TCOF1: variants seen among roughly 807,000 people sequenced by gnomAD.
TCOF1 encodes the protein treacle ribosome biogenesis factor 1, also known as treacle protein.
Under a neutral mutation model 149.0 loss-of-function variants are expected in TCOF1, and 33 were observed. The observed-to-expected ratio is 0.22, with a 90% CI of 0.17 to 0.30. The LOEUF (loss-of-function observed/expected upper bound fraction) is 0.30. TCOF1 is among the 10% of genes least tolerant of loss of function. The pLI is 1.00. For missense variants in TCOF1, 1,728 were observed against 1,840.7 expected (o/e 0.94, Z 1.12); for synonymous variants, 789 against 738.8 (o/e 1.07, Z -1.10).
chr5:150,398,329 A>T (rs751422516), intron 24 of TCOF1, 25 bp from the exon 25 acceptor site: 5 of 1,613,224 alleles, frequency 3.1e-6, no homozygotes, highest in Non-Finnish European at 1.7e-6. Flanking sequence ...TCTGTTGTTC[A>T]GGAACTTTAC....
intron 6 of TCOF1, 77 bp downstream of exon 6, chr5:150,369,679 ACCAGT>A: frequency 4.6e-6 from 7 of 1,510,342 alleles, no homozygotes; most frequent in Non-Finnish European, 6.4e-6. Context: ...GGCTTCAGAC[ACCAGT>A]GGGCCCAGAT....
At chr5:150,390,143 G>A (rs1278666967) in intron 19 of TCOF1, 120 bp downstream of exon 19, 36 of 1,478,188 alleles carry the variant, frequency 2.4e-5, no homozygotes, top group Non-Finnish European at 2.8e-5. Flanking sequence ...TCCAGAGGTC[G>A]TGGCCTCACA....
intron 7 of TCOF1, 144 bp from the exon 8 acceptor site, chr5:150,374,030 C>T (rs1434815247): frequency 1.1e-5 from 10 of 927,054 alleles, no homozygotes; most frequent in African/African-American, 1.7e-5. Context: ...GCCAGTGTGG[C>T]CAAAGTATCA....
chr5:150,382,879 A>G (rs1765508155), intron 17 of TCOF1, among the ~76,000 whole-genome samples: 1 of 152,214 alleles, frequency 6.6e-6, no homozygotes, highest in African/African-American at 2.4e-5. Flanking sequence ...GCAGGGTGGA[A>G]GCATGTTTCC....
Position 150,396,581 on chromosome 5 carries a change from A to G in TCOF1, c.4084A>G (p.Ser1362Gly). The G allele has an allele frequency of 6.3e-7, 1 of 1,581,782 alleles. No homozygotes were observed. The highest frequency in any genetic ancestry group is 8.6e-7 in the Non-Finnish European group (1 of 1,163,460). Residue 1362 changes from serine (S) to glycine (G), a missense_variant, in exon 24 of 27, where the codon AGC (serine) becomes GGC (glycine). Ser to Gly is a moderately conservative substitution (Grantham distance 56). Coordinates refer to ENST00000643257, the MANE Select transcript of TCOF1 (RefSeq NM_001371623.1). ...GDQPAARTPR[S>G]KKKKKLGAGE... is the part of the protein sequence containing the mutation. The stretch of plus-strand genomic sequence containing the variant: ...CCAGCCAGCTGCCAGGACCCCCAGG[A>G]GCAAGAAGAAGAAGAAGCTGGGGGC...
rs1764595691 is a variant in TCOF1 at position 150,379,608 on chromosome 5, C to T, written c.2735C>T (p.Ala912Val). ...AAGGAGTCCCCCAGGAAAGGGGCTG[C>T]CCCAACACCTCCTGGGAAGACAGGG... ...PAKESPRKGAAPTPPGKTGPS... is the reference protein window; with the variant it reads ...PAKESPRKGAVPTPPGKTGPS... Residue 912 changes from alanine (A) to valine (V), a missense_variant, in exon 17 of 27, where the codon GCC becomes GTC. By Grantham distance (64) the Ala-to-Val change is moderately conservative (BLOSUM62 0). Transcript: ENST00000643257. 2 of 1,614,152 alleles carry T rather than the reference C, an allele frequency of 1.2e-6. No homozygotes were observed. The highest frequency in any genetic ancestry group is 1.7e-6 in the Non-Finnish European group (2 of 1,180,034).
At chr5:150,378,750 C>T in intron 14 of TCOF1, 155 bp from the exon 15 acceptor site, 1 of 1,011,906 alleles carries the variant, frequency 9.9e-7, no homozygotes, top group African/African-American at 1.6e-5. Context: ...TGAACTGAGG[C>T]CCAGTGAGAT....
At chr5:150,368,380 A>T (rs1761806224) in intron 4 of TCOF1, 2 of 400,700 alleles carry the variant, frequency 5.0e-6, no homozygotes, top group Admixed American at 4.0e-5. Flanking sequence ...AGATACATAC[A>T]TGTATAAAGA....
chr5:150,394,447 A>G (rs1401927814), intron 23 of TCOF1: 1 of 152,332 alleles, frequency 6.6e-6, no homozygotes, highest in Non-Finnish European at 1.5e-5. Flanking sequence ...TGGCACATGT[A>G]GAAAATAGTC....
chr5:150,371,935 G>A (rs1020393323), intron 6 of TCOF1, 71 bp from the exon 7 acceptor site: 12 of 1,354,150 alleles, frequency 8.9e-6, no homozygotes, highest in Non-Finnish European at 1.3e-5. Context: ...AACTGCTGAA[G>A]CCCCTAATAC....
rs760851298 is a variant in TCOF1, at chr5:150,374,749, C to T, written c.1216C>T (p.Arg406Trp). ...AGTTGCCAAGGCCCAGGCGGGGAAG[C>T]GGGAGGAGGACTCGCAGAGCAGCAG... ...PAVAKAQAGK[R>W]EEDSQSSSEE... Residue 406 changes from arginine to tryptophan, a missense_variant, in exon 9 of 27, where the codon CGG (arginine) becomes TGG (tryptophan). Physicochemically the swap from Arg to Trp is moderately radical, Grantham distance 101. Coordinates refer to ENST00000643257, the MANE Select transcript of TCOF1 (RefSeq NM_001371623.1). 6.8e-5 allele frequency: 109 copies of T among 1,612,308 alleles called. No individual in the cohort carries two copies. Among genetic ancestry groups the T allele is most frequent in the Non-Finnish European group, 8.6e-5 (102 of 1,179,574 alleles).
At chr5:150,384,337 T>G in intron 17 of TCOF1, 1 of 986,132 alleles carries the variant, frequency 1.0e-6, no homozygotes, top group Non-Finnish European at 1.2e-6. Flanking sequence ...TGTTTGCATT[T>G]TAAGGAACTG....
intron 26 of TCOF1, among the ~76,000 whole-genome samples, chr5:150,399,476 C>G (rs561099221): frequency 6.6e-6 from 1 of 152,238 alleles, no homozygotes; most frequent in South Asian, 2.1e-4. Flanking sequence ...TCAAGATGAG[C>G]TATCACCATG....
In TCOF1 at chr5:150,391,970, T is replaced by G. The variant is rs1244136970; in HGVS notation, c.3311T>G (p.Val1104Gly). Residue 1104 changes from valine to glycine, a missense_variant, in exon 21 of 27, where the codon GTG becomes GGG. By Grantham distance (109) the Val-to-Gly change is moderately radical. Around this residue, in one of 2 missense-constraint regions of TCOF1, gnomAD observed 1,696 missense variants for 1,765.4 expected, o/e 0.96. Coordinates refer to ENST00000643257, the MANE Select transcript of TCOF1 (RefSeq NM_001371623.1). ...TQPSSGVDSA[V>G]GTLPATSPQS... ...TCACCGAATTAGGTTGACAGTGCTG[T>G]GGGAACACTCCCTGCAACAAGTCCC... 6.2e-7 allele frequency: 1 copy of G among 1,614,144 alleles called. No homozygotes were observed.
At chr5:150,379,076 G>C (rs764556467) in intron 15 of TCOF1, 34 bp downstream of exon 15, 2 of 1,613,898 alleles carry the variant, frequency 1.2e-6, no homozygotes, top group South Asian at 2.2e-5. Flanking sequence ...GAGGTGTGGA[G>C]GGTTGGGGTA....
chr5:150,386,163 T>C (rs1005088806), intron 17 of TCOF1, among the ~76,000 whole-genome samples: 11 of 152,238 alleles, frequency 7.2e-5, no homozygotes, highest in African/African-American at 2.6e-4. Context: ...CCAAGCCCCC[T>C]GCACCACCTC....
intron 17 of TCOF1, chr5:150,383,085 C>G: frequency 6.5e-7 from 1 of 1,536,018 alleles, no homozygotes; most frequent in Non-Finnish European, 8.7e-7. Context: ...CCAAACCTGC[C>G]AGAAGCAAGA....
intron 20 of TCOF1, 44 bp downstream of exon 20, chr5:150,391,701 A>G (rs1032898152): frequency 1.9e-6 from 3 of 1,567,768 alleles, no homozygotes; most frequent in Non-Finnish European, 2.6e-6. Context: ...GGAGCGTAGA[A>G]GGTGCAGGCG....
In TCOF1 at chr5:150,379,031, T is replaced by G; in HGVS notation, c.2467T>G (p.Ser823Ala). The G allele has an allele frequency of 6.2e-7, 1 of 1,613,610 alleles. No homozygotes were observed. The highest frequency in any genetic ancestry group is 8.5e-7 in the Non-Finnish European group (1 of 1,179,904). The change falls in exon 15 of 27, where the codon TCT becomes GCT. Residue 823 changes from serine to alanine, a missense_variant. Coordinates refer to ENST00000643257, the MANE Select transcript of TCOF1 (RefSeq NM_001371623.1). ...TGCAGCTGCTCAAGCCAAGCAGAGG[T>G]CTCCATCCAAGGCAAGTGGGGCCAG... ...VTAAAQAKQR[S>A]PSKVKPPVRN...
Sources: gnomAD v4.1 joint callset for allele counts (sites outside exome capture counted in the v4.1 genomes callset) on GRCh38, gnomAD v4.1.1 for gene constraint, gnomAD v4.1.1 regional missense constraint, MANE v1.5 for transcripts, NCBI Gene and HGNC (gene_info 2026-07-23, HGNC 2026-07-21) for gene names.